Variants in GPM6B observed in about 807,000 individuals in gnomAD.
The protein encoded by GPM6B is neuronal membrane glycoprotein M6-b.
GPM6B carries 4 observed loss-of-function variants against 27.2 expected under a neutral mutation model. That is an observed-to-expected ratio of 0.15 (90% CI 0.07 to 0.34). The LOEUF (loss-of-function observed/expected upper bound fraction) is 0.34, where lower values mean the gene tolerates loss of function less well. Among genes scored for constraint, GPM6B ranks in the 10% least tolerant of loss-of-function variants. The pLI, the probability that GPM6B is intolerant of heterozygous loss-of-function variation, is 1.00. For missense variants in GPM6B, 183 were observed against 261.9 expected (o/e 0.70, Z 2.08); for synonymous variants, 124 against 103.1 (o/e 1.20, Z -1.23).
intron 1 of GPM6B, among the ~76,000 whole-genome samples, chrX:13,914,196 A>T (rs1273450960): frequency 8.9e-6 from 1 of 112,507 alleles, no homozygotes; most frequent in African/African-American, 3.2e-5. Flanking sequence ...TGAGATTTTT[A>T]AAAAATCTGA....
chrX:13,821,657 C>T (rs1244321148), upstream of GPM6B, among the ~76,000 whole-genome samples: 1 of 111,688 alleles, frequency 9.0e-6, no homozygotes, highest in Non-Finnish European at 1.9e-5. Flanking sequence ...AGTGCAATGG[C>T]GTGATCTCGG....
At chrX:13,795,996 G>A (rs7060571) in intron 2 of GPM6B, among the ~76,000 whole-genome samples, 35,356 of 108,602 alleles carry the variant, frequency 0.33, 4,407 homozygotes, top group Non-Finnish European at 0.39. Flanking sequence ...GTGCCAGCTC[G>A]GCTCACTGCA....
upstream of GPM6B, among the ~76,000 whole-genome samples, chrX:13,821,810 G>C (rs776703663): frequency 2.1e-4 from 23 of 110,938 alleles, no homozygotes; most frequent in African/African-American, 6.6e-4. Context: ...GGTCAGGCTG[G>C]TCTTGAGCTC....
intron 1 of GPM6B, among the ~76,000 whole-genome samples, chrX:13,845,992 GTTCT>G (rs769187095): frequency 1.4e-4 from 16 of 111,685 alleles, no homozygotes; most frequent in Non-Finnish European, 2.6e-4. Flanking sequence ...AAACTGATGG[GTTCT>G]TTATCACAGG....
intron 1 of GPM6B, among the ~76,000 whole-genome samples, chrX:13,932,859 A>C (rs911674289): frequency 8.9e-6 from 1 of 111,795 alleles, no homozygotes; most frequent in Non-Finnish European, 1.9e-5. Flanking sequence ...ATAGCAGCAG[A>C]AGAAAAAAAG....
chrX:13,791,987 G>A (rs1184248341), intron 2 of GPM6B, among the ~76,000 whole-genome samples: 1 of 110,947 alleles, frequency 9.0e-6, no homozygotes, highest in African/African-American at 3.3e-5. Flanking sequence ...CTATATTACT[G>A]ATTCCTAATG....
At chrX:13,886,033 G>A (rs930408309) in intron 1 of GPM6B, among the ~76,000 whole-genome samples, 6 of 112,257 alleles carry the variant, frequency 5.3e-5, no homozygotes, top group African/African-American at 1.3e-4. Context: ...ATGCTTTTGC[G>A]ATATACTTGT....
At chrX:13,775,975 T>TA (rs1232486353) in intron 7 of GPM6B, among the ~76,000 whole-genome samples, 1 of 112,685 alleles carries the variant, frequency 8.9e-6, no homozygotes, top group Non-Finnish European at 1.9e-5. Flanking sequence ...TGCAACAAGG[T>TA]AATATGCTAG....
chrX:13,774,558 A>C (rs755060998), intron 7 of GPM6B: 1 of 1,208,252 alleles, frequency 8.3e-7, no homozygotes, highest in Admixed American at 2.2e-5. Flanking sequence ...AATTTAGTGC[A>C]GCAATCTTCC....
chrX:13,845,523 TCTC>T (rs1425464076), intron 1 of GPM6B, among the ~76,000 whole-genome samples: 1 of 111,971 alleles, frequency 8.9e-6, no homozygotes, highest in South Asian at 3.7e-4. Flanking sequence ...GAGTGAAAAT[TCTC>T]CTTCTTCTAA....
chrX:13,880,581 C>T (rs1459682524), intron 1 of GPM6B, among the ~76,000 whole-genome samples: 4 of 99,843 alleles, frequency 4.0e-5, no homozygotes, highest in Non-Finnish European at 7.8e-5. Flanking sequence ...GAGGCTGAGG[C>T]GGGAGAATGG....
intron 2 of GPM6B, among the ~76,000 whole-genome samples, chrX:13,805,594 T>C (rs2049007683): frequency 8.9e-6 from 1 of 112,468 alleles, no homozygotes; most frequent in South Asian, 3.7e-4. Context: ...CCACTGCTGC[T>C]ATGAATGCCC....
chrX:13,853,358 CT>C (rs1283146552), intron 1 of GPM6B, among the ~76,000 whole-genome samples: 1 of 110,429 alleles, frequency 9.1e-6, no homozygotes. Context: ...AATCCCAACA[CT>C]TTGGAAGGCT....
Position 13,924,111 on chromosome X carries a change from C to T in GPM6B, c.-198+14216G>A, listed in dbSNP as rs772830341. Among the ~76,000 whole-genome samples the T allele has an allele frequency of 7.2e-5, 8 of 111,447 alleles. No individual in the cohort carries two copies. The South Asian group carries it at 1.1e-3, about 16-fold the overall frequency. On this transcript the variant is annotated intron_variant, in intron 1 of 6. Coordinates refer to the GPM6B transcript ENST00000398361. The stretch of plus-strand genomic sequence containing the variant: ...TGCCTTGAGGGCAGAAACTGTTACA[C>T]GTCATCACTAGCCAACACAGAGTAC...
At chrX:13,784,726 C>T (rs1034088586) in intron 3 of GPM6B, among the ~76,000 whole-genome samples, 12 of 111,759 alleles carry the variant, frequency 1.1e-4, no homozygotes, top group East Asian at 2.8e-4. Context: ...GGAGTCACTG[C>T]GACTCCATTG....
At chrX:13,903,534 G>A (rs951818038) in intron 1 of GPM6B, among the ~76,000 whole-genome samples, 2 of 111,977 alleles carry the variant, frequency 1.8e-5, no homozygotes, top group South Asian at 3.8e-4. Flanking sequence ...CTAAGCTCAC[G>A]TTCATTATCA....
At chrX:13,782,004 CTTTCTGTCCTG>C (rs1433749253) in intron 4 of GPM6B, among the ~76,000 whole-genome samples, 1 of 112,065 alleles carries the variant, frequency 8.9e-6, no homozygotes, top group Non-Finnish European at 1.9e-5. Flanking sequence ...CCTCACATGA[CTTTCTGTCCTG>C]TTTCTGTCCC....
At chrX:13,802,745 G>A (rs751363710) in intron 2 of GPM6B, among the ~76,000 whole-genome samples, 1 of 111,621 alleles carries the variant, frequency 9.0e-6, no homozygotes, top group Non-Finnish European at 1.9e-5. Context: ...GAGCTACAAC[G>A]TGCTTCCACT....
At chrX:13,900,604 G>GA (rs1163405055) in intron 1 of GPM6B, among the ~76,000 whole-genome samples, 1 of 111,859 alleles carries the variant, frequency 8.9e-6, no homozygotes, top group Non-Finnish European at 1.9e-5. Context: ...GTTTCAGCAA[G>GA]AAAAAATGGT....
Sources: allele counts gnomAD v4.1 joint callset (sites outside exome capture counted in the v4.1 genomes callset), GRCh38; gene constraint gnomAD v4.1.1; transcripts MANE v1.5; gene names NCBI Gene and HGNC (gene_info 2026-07-23, HGNC 2026-07-21).